Variants in CHIC1 observed in about 807,000 individuals in gnomAD.
CHIC1 encodes cysteine-rich hydrophobic domain-containing protein 1.
Under a neutral mutation model 18.5 loss-of-function variants are expected in CHIC1, and 7 were observed. That is an observed-to-expected ratio of 0.38 (90% CI 0.22 to 0.71). The LOEUF is 0.71. Among genes scored for constraint, CHIC1 ranks in the 30% least tolerant of loss-of-function variants. CHIC1 has a pLI of 0.49. For synonymous variants in CHIC1, 77 were observed against 73.5 expected (o/e 1.05, Z -0.25); for missense variants, 159 against 176.9 (o/e 0.90, Z 0.57).
chrX:73,605,256 C>CCTT (rs1424843354), intron 3 of CHIC1, among the ~76,000 whole-genome samples: 1 of 108,008 alleles, frequency 9.3e-6, no homozygotes, highest in Non-Finnish European at 1.9e-5. Flanking sequence ...TTTGTAATGC[C>CCTT]CTTCTTTGTC....
chrX:73,662,205 C>T (rs986121813), intron 3 of CHIC1, among the ~76,000 whole-genome samples: 8 of 109,747 alleles, frequency 7.3e-5, no homozygotes, highest in African/African-American at 2.6e-4. Flanking sequence ...AATACTGCTT[C>T]GAATTGCTTT....
chrX:73,566,867 C>A (rs181048994), intron 1 of CHIC1, among the ~76,000 whole-genome samples: 2 of 111,813 alleles, frequency 1.8e-5, no homozygotes, highest in African/African-American at 6.5e-5. Flanking sequence ...AACACACAGG[C>A]CTTCAGAGGC....
At chrX:73,622,828 C>T (rs1425419813) in intron 3 of CHIC1, among the ~76,000 whole-genome samples, 3 of 112,161 alleles carry the variant, frequency 2.7e-5, no homozygotes, top group African/African-American at 9.7e-5. Flanking sequence ...GCATTTAGTG[C>T]TATAAATTTC....
chrX:73,623,157 C>T (rs1176167068), intron 3 of CHIC1, among the ~76,000 whole-genome samples: 1 of 111,421 alleles, frequency 9.0e-6, no homozygotes, highest in African/African-American at 3.3e-5. Flanking sequence ...AACGTATATT[C>T]TCTTGATTTG....
chrX:73,661,965 C>G (rs936771715), intron 3 of CHIC1, among the ~76,000 whole-genome samples: 74 of 109,995 alleles, frequency 6.7e-4, no homozygotes, highest in African/African-American at 2.4e-3. Flanking sequence ...GTTCAGCGCA[C>G]CAGCATGGCA....
intron 3 of CHIC1, among the ~76,000 whole-genome samples, chrX:73,677,137 C>T (rs905738923): frequency 9.0e-6 from 1 of 111,730 alleles, no homozygotes; most frequent in Middle Eastern, 4.2e-3. Flanking sequence ...TGTCAGTTCG[C>T]CCCTACTGGG....
At chrX:73,619,225 T>C (rs1366593159) in intron 3 of CHIC1, among the ~76,000 whole-genome samples, 1 of 111,135 alleles carries the variant, frequency 9.0e-6, no homozygotes, top group Non-Finnish European at 1.9e-5. Flanking sequence ...TTTCTTTGTA[T>C]ATTCATGCAG....
intron 3 of CHIC1, among the ~76,000 whole-genome samples, chrX:73,671,277 T>C (rs1428781826): frequency 1.8e-5 from 2 of 112,119 alleles, no homozygotes; most frequent in Non-Finnish European, 3.8e-5. Flanking sequence ...AAGACGACCT[T>C]TTCAGTTGAA....
Position 73,563,485 on chromosome X carries a change from G to T in CHIC1, c.201G>T (p.Glu67Asp). ...AAGAGGAGGAGGAGGAAGAGGAGGA[G>T]GAAGCGCCGCCCCCGCCTCGGGTAG... is the stretch of plus-strand genomic sequence containing the variant. ...EEEEEEEEEE[E>D]EAPPPPRVVS... is the part of the protein sequence containing the mutation. The change falls in exon 1 of 6, where the codon GAG (glutamate) becomes GAT (aspartate). Residue 67 changes from glutamate to aspartate, a missense_variant. Physicochemically the swap from Glu to Asp is conservative, Grantham distance 45 (BLOSUM62 2). Transcript: ENST00000373502. 8.7e-7 allele frequency: 1 copy of T among 1,153,859 alleles called. No homozygotes were observed. Among genetic ancestry groups the T allele is most frequent in the African/African-American group, 1.8e-5 (1 of 55,775 alleles).
chrX:73,686,138 T>C lies in CHIC1; in HGVS notation c.*5133T>C, dbSNP rs2058120489. ...ATAAGAAATCCTATTATGTGCAACT[T>C]ATTAAATACTTGGGAACATGGGAAA... On this transcript the variant is annotated 3_prime_UTR_variant, in exon 6 of 6. Transcript: ENST00000373502. The C allele has an allele frequency of 9.0e-6, 1 of 111,468 alleles. No homozygotes were observed. The highest frequency in any genetic ancestry group is 3.7e-4 in the South Asian group (1 of 2,720). The allele number at this position is 111,468 out of a possible 1,213,427, so 9.2% of individuals were successfully genotyped here.
chrX:73,614,848 T>G (rs1409302885), intron 3 of CHIC1, among the ~76,000 whole-genome samples: 1 of 110,970 alleles, frequency 9.0e-6, no homozygotes, highest in Non-Finnish European at 1.9e-5. Context: ...CTGTTTTAAA[T>G]TCTTTTTCCA....
intron 3 of CHIC1, among the ~76,000 whole-genome samples, chrX:73,599,992 A>G (rs1216900431): frequency 4.1e-5 from 4 of 98,129 alleles, no homozygotes; most frequent in Non-Finnish European, 5.9e-5. Context: ...ATTTGTTTTT[A>G]TCCTCTTTTA....
At chrX:73,612,317 TG>T (rs1197405042) in intron 3 of CHIC1, among the ~76,000 whole-genome samples, 3 of 112,025 alleles carry the variant, frequency 2.7e-5, no homozygotes, top group Non-Finnish European at 5.6e-5. Flanking sequence ...AGTTCTGCTC[TG>T]ATCTTCATTT....
At chrX:73,597,336 G>A (rs2057614756) in intron 3 of CHIC1, among the ~76,000 whole-genome samples, 2 of 110,189 alleles carry the variant, frequency 1.8e-5, no homozygotes, top group South Asian at 7.6e-4. Flanking sequence ...TCTCTAGGTT[G>A]TTTATTTGTT....
intron 3 of CHIC1, among the ~76,000 whole-genome samples, chrX:73,605,827 C>G (rs772057094): frequency 9.2e-6 from 1 of 108,789 alleles, no homozygotes; most frequent in Admixed American, 9.6e-5. Flanking sequence ...GGCCCCCACT[C>G]TCTTCTGGCT....
At chrX:73,673,212 G>C (rs1432749468) in intron 3 of CHIC1, among the ~76,000 whole-genome samples, 1 of 111,621 alleles carries the variant, frequency 9.0e-6, no homozygotes, top group Non-Finnish European at 1.9e-5. Flanking sequence ...TTTGGCTTAG[G>C]ATTGACTTGG....
intron 3 of CHIC1, among the ~76,000 whole-genome samples, chrX:73,641,476 AC>A (rs2147600364): frequency 9.0e-6 from 1 of 110,528 alleles, no homozygotes; most frequent in Admixed American, 9.7e-5. Flanking sequence ...TTTACTGGTA[AC>A]CACCGTTCCA....
chrX:73,677,166 C>T (rs1480214445), intron 3 of CHIC1, among the ~76,000 whole-genome samples: 1 of 112,020 alleles, frequency 8.9e-6, no homozygotes, highest in African/African-American at 3.2e-5. Context: ...CCCAGTTAGG[C>T]TACTCGGGGG....
At chrX:73,583,880 T>A (rs1015064947) in intron 2 of CHIC1, among the ~76,000 whole-genome samples, 1 of 111,863 alleles carries the variant, frequency 8.9e-6, no homozygotes. Context: ...GGCATTGTCT[T>A]TTGTTAGTGT....
Sources: allele counts gnomAD v4.1 joint callset (sites outside exome capture counted in the v4.1 genomes callset), GRCh38; gene constraint gnomAD v4.1.1; transcripts MANE v1.5; gene names NCBI Gene and HGNC (gene_info 2026-07-23, HGNC 2026-07-21).